Variants in ALK observed in about 807,000 individuals in gnomAD.
The protein encoded by ALK is ALK receptor tyrosine kinase, also known as ALK tyrosine kinase receptor.
ALK carries 74 observed loss-of-function variants against 163.1 expected under a neutral mutation model. The observed-to-expected ratio is 0.45, with a 90% CI of 0.38 to 0.55. ALK has a LOEUF of 0.55. Ranked by LOEUF, ALK falls within the 20% of genes least tolerant of loss-of-function variation. The pLI is 0.00. For synonymous variants in ALK, 960 were observed against 843.2 expected (o/e 1.14, Z -2.40); for missense variants, 2,063 against 2,105.3 (o/e 0.98, Z 0.39).
chr2:29,243,953 AT>A (rs1664588642), intron 12 of ALK, among the ~76,000 whole-genome samples: 1 of 152,038 alleles, frequency 6.6e-6, no homozygotes, highest in South Asian at 2.1e-4. Flanking sequence ...AGAGATGTTT[AT>A]TGGGTTTGTG....
At chr2:29,758,075 A>C (rs1178557724) in intron 1 of ALK, among the ~76,000 whole-genome samples, 1 of 132,324 alleles carries the variant, frequency 7.6e-6, no homozygotes, top group African/African-American at 3.0e-5. Context: ...TAGTGGCCTG[A>C]TCTTGGCTCA....
intron 2 of ALK, among the ~76,000 whole-genome samples, chr2:29,710,711 C>G (rs923526725): frequency 6.6e-6 from 1 of 152,136 alleles, no homozygotes; most frequent in African/African-American, 2.4e-5. Flanking sequence ...AGGGTTTCAC[C>G]ATGTTAGCCA....
chr2:29,859,224 G>C (rs977155642), intron 1 of ALK, among the ~76,000 whole-genome samples: 1 of 152,166 alleles, frequency 6.6e-6, no homozygotes, highest in Non-Finnish European at 1.5e-5. Flanking sequence ...CCCTCTCTAG[G>C]TGACACTAGT....
chr2:29,300,245 T>C (rs540509109), intron 8 of ALK, among the ~76,000 whole-genome samples: 14 of 152,186 alleles, frequency 9.2e-5, no homozygotes, highest in African/African-American at 1.2e-4. Flanking sequence ...AGTGACCACC[T>C]ATAATAGAGA....
At chr2:29,508,690 GT>G (rs1672414536) in intron 4 of ALK, among the ~76,000 whole-genome samples, 1 of 49,270 alleles carries the variant, frequency 2.0e-5, no homozygotes, top group South Asian at 1.0e-3. Context: ...AAAACTTAGA[GT>G]ATAATAAAAA....
chr2:29,872,337 C>A (rs1210937913), intron 1 of ALK, among the ~76,000 whole-genome samples: 1 of 152,170 alleles, frequency 6.6e-6, no homozygotes, highest in Non-Finnish European at 1.5e-5. Flanking sequence ...ACTTGGTGAG[C>A]AGACAAAACA....
intron 1 of ALK, among the ~76,000 whole-genome samples, chr2:29,908,722 G>C (rs1667618412): frequency 6.6e-6 from 1 of 152,180 alleles, no homozygotes; most frequent in Non-Finnish European, 1.5e-5. Flanking sequence ...TTGAGATTTG[G>C]AGGTACAGCA....
intron 1 of ALK, among the ~76,000 whole-genome samples, chr2:29,768,709 A>ATGTTTATGTGTG (rs1167040416): frequency 1.5e-4 from 2 of 13,642 alleles, no homozygotes; most frequent in Non-Finnish European, 3.6e-4. Context: ...TAAATTATAT[A>ATGTTTATGTGTG]TGTCTGTGTG....
intron 4 of ALK, among the ~76,000 whole-genome samples, chr2:29,483,977 C>G (rs1671724073): frequency 6.6e-6 from 1 of 152,126 alleles, no homozygotes; most frequent in Non-Finnish European, 1.5e-5. Context: ...GAAGGAGGAG[C>G]AAAGGCATGT....
intron 1 of ALK, among the ~76,000 whole-genome samples, chr2:29,853,811 T>C (rs977314249): frequency 1.3e-5 from 2 of 152,046 alleles, no homozygotes; most frequent in Non-Finnish European, 2.9e-5. Context: ...CTCTCTTCAC[T>C]TGGGGGTTCA....
intron 1 of ALK, among the ~76,000 whole-genome samples, chr2:29,762,577 TG>T (rs1447003524): frequency 6.6e-6 from 1 of 152,192 alleles, no homozygotes; most frequent in Non-Finnish European, 1.5e-5. Flanking sequence ...AATAAGGGGT[TG>T]GTAGGACTCA....
chr2:29,492,812 A>T (rs1376815169), intron 4 of ALK, among the ~76,000 whole-genome samples: 1 of 152,184 alleles, frequency 6.6e-6, no homozygotes, highest in Non-Finnish European at 1.5e-5. Flanking sequence ...AACTGTTTTG[A>T]TTCAAAAAAT....
intron 3 of ALK, among the ~76,000 whole-genome samples, chr2:29,686,009 C>T (rs1678229382): frequency 6.6e-6 from 1 of 152,202 alleles, no homozygotes; most frequent in Non-Finnish European, 1.5e-5. Context: ...CTCCTGCCTC[C>T]CTCCTTCCCT....
chr2:29,457,644 G>C (rs1456934135), intron 4 of ALK, among the ~76,000 whole-genome samples: 1 of 152,092 alleles, frequency 6.6e-6, no homozygotes, highest in Non-Finnish European at 1.5e-5. Context: ...GAATCAGGGA[G>C]CTTGGGTTCA....
intron 11 of ALK, among the ~76,000 whole-genome samples, chr2:29,271,912 G>T (rs1476685526): frequency 6.6e-6 from 1 of 152,216 alleles, no homozygotes; most frequent in East Asian, 1.9e-4. Flanking sequence ...GTTTGGGCGG[G>T]TTCTCCCATT....
chr2:29,894,672 A>C (rs904758293), intron 1 of ALK, among the ~76,000 whole-genome samples: 1 of 152,126 alleles, frequency 6.6e-6, no homozygotes, highest in African/African-American at 2.4e-5. Flanking sequence ...AATTTTAAAA[A>C]TCAGGGTGAT....
At chr2:29,235,338 T>TA (rs1301579699) in intron 13 of ALK, among the ~76,000 whole-genome samples, 2 of 152,220 alleles carry the variant, frequency 1.3e-5, no homozygotes, top group Admixed American at 6.5e-5. Context: ...AGCCACTTCT[T>TA]ACGCTAAAGC....
Position 29,227,456 on chromosome 2 carries a change from G to A in ALK, c.2914+118C>T. 5 of 943,184 alleles carry A rather than the reference G, an allele frequency of 5.3e-6. No individual in the cohort carries two copies. The highest frequency in any genetic ancestry group is 8.8e-6 in the Non-Finnish European group (5 of 570,276). 58.4% of individuals were successfully genotyped at this position (943,184 alleles called of 1,614,324 possible). Reference sequence around the variant, plus strand: ...GACCTGCGCCATAGGAAGCTTGCCTGCCAGGGACCCATAATTGTGCCTCTG... The same window carrying A: ...GACCTGCGCCATAGGAAGCTTGCCTACCAGGGACCCATAATTGTGCCTCTG... On this transcript the variant is annotated intron_variant, in intron 17 of 28. Transcript: ENST00000389048. This position sits in a 1 kb window ranked among gnomAD's most constrained non-coding sequence, Gnocchi z 4.4.
At chr2:29,642,099 T>A (rs1676719886) in intron 3 of ALK, among the ~76,000 whole-genome samples, 1 of 152,194 alleles carries the variant, frequency 6.6e-6, no homozygotes, top group African/African-American at 2.4e-5. Flanking sequence ...CTTTGCAGTG[T>A]GGTCCACCTG....
Sources: allele counts gnomAD v4.1 joint callset (sites outside exome capture counted in the v4.1 genomes callset), GRCh38; gene constraint gnomAD v4.1.1; non-coding constraint Gnocchi (gnomAD v3.1); transcripts MANE v1.5; gene names NCBI Gene and HGNC (gene_info 2026-07-23, HGNC 2026-07-21).